SYNGR4: variants seen among roughly 807,000 people sequenced by gnomAD.
SYNGR4 encodes synaptogyrin 4.
Under a neutral mutation model 15.5 loss-of-function variants are expected in SYNGR4, and 15 were observed. The observed-to-expected ratio is 0.97, with a 90% CI of 0.65 to 1.49. The LOEUF (loss-of-function observed/expected upper bound fraction) is 1.49, where lower values mean the gene tolerates loss of function less well. Among genes scored for constraint, SYNGR4 ranks in the 40% most tolerant of loss-of-function variants. The pLI is 0.00. For synonymous variants in SYNGR4, 121 were observed against 127.4 expected (o/e 0.95, Z 0.34); for missense variants, 292 against 299.3 (o/e 0.98, Z 0.18).
Position 48,373,665 on chromosome 19 carries a change from T to C in SYNGR4, c.242T>C (p.Leu81Pro), listed in dbSNP as rs1970347841. 3 of 1,613,816 alleles carry C rather than the reference T, an allele frequency of 1.9e-6. No individual in the cohort carries two copies. The highest frequency in any genetic ancestry group is 2.5e-6 in the Non-Finnish European group (3 of 1,180,034). Residue 81 changes from leucine to proline, a missense_variant, in exon 3 of 5, where the codon CTG (leucine) becomes CCG (proline). By Grantham distance (98) the Leu-to-Pro change is moderately conservative. Transcript: ENST00000344846. ...GGCTTCCTGGCCTTCCTCAGCTGCC[T>C]GGCCTTCCTCGTCCTGGACACACAG... ...GAGFLAFLSC[L>P]AFLVLDTQET...
chr19:48,375,803 G>T, intron 4 of SYNGR4, 51 bp downstream of exon 4: 1 of 1,589,490 alleles, frequency 6.3e-7, no homozygotes, highest in South Asian at 1.1e-5. Flanking sequence ...CCCTCTGCAG[G>T]GTGGGGTTGA....
Position 48,373,675 on chromosome 19 carries a change from C to T in SYNGR4, c.252C>T (p.Leu84=), listed in dbSNP as rs150418476. 3.4e-5 allele frequency: 55 copies of T among 1,613,860 alleles called. No homozygotes were observed. The highest frequency in any genetic ancestry group is 4.5e-5 in the Non-Finnish European group (53 of 1,180,038). Residue 84 remains leucine, a synonymous_variant, in exon 3 of 5, where the codon CTC becomes CTT. Coordinates refer to ENST00000344846, the MANE Select transcript of SYNGR4 (RefSeq NM_012451.4). ...FLAFLSCLAF[L]VLDTQETRIA... ...CCTTCCTCAGCTGCCTGGCCTTCCT[C>T]GTCCTGGACACACAGGAGACCCGCA...
chr19:48,365,744 C>A lies in SYNGR4; in HGVS notation c.-99C>A. 7.6e-7 allele frequency: 1 copy of A among 1,320,908 alleles called. No homozygotes were observed. The highest frequency in any genetic ancestry group is 1.1e-6 in the Non-Finnish European group (1 of 931,588). 81.8% of individuals were successfully genotyped at this position (1,320,908 alleles called of 1,614,324 possible). ...TCTGTGTCATCCCACAGCAGCCAAG[C>A]CCAGGGCTGGCCTGAAGCCCCCGGA... On this transcript the variant is annotated 5_prime_UTR_variant, in exon 2 of 5. Coordinates refer to ENST00000344846, the MANE Select transcript of SYNGR4 (RefSeq NM_012451.4).
intron 2 of SYNGR4, among the ~76,000 whole-genome samples, chr19:48,366,719 T>A (rs981212374): frequency 3.9e-5 from 6 of 152,152 alleles, no homozygotes; most frequent in Admixed American, 1.3e-4. Flanking sequence ...GTAAATTTTT[T>A]AAATCTGGGA....
Position 48,365,934 on chromosome 19 carries a change from G to C in SYNGR4, c.92G>C (p.Gly31Ala), listed in dbSNP as rs1970212603. The C allele has an allele frequency of 1.9e-6, 3 of 1,613,236 alleles. No homozygotes were observed. Among genetic ancestry groups the C allele is most frequent in the South Asian group, 2.2e-5 (2 of 91,086 alleles). The change falls in exon 2 of 5, where the codon GGG becomes GCG. Residue 31 changes from glycine (G) to alanine (A), a missense_variant and splice_region_variant. Physicochemically the swap from Gly to Ala is moderately conservative, Grantham distance 60. Transcript: ENST00000344846. Reference protein sequence around the residue: ...RPKTITRVFEGVFSLIVFSSL... With the variant: ...RPKTITRVFEAVFSLIVFSSL... ...AAGACCATCACGCGGGTCTTCGAAGGGGTGAGGCCCTCCCATGGCCCGACT... is the reference window on the plus strand; with the variant it reads ...AAGACCATCACGCGGGTCTTCGAAGCGGTGAGGCCCTCCCATGGCCCGACT...
Position 48,364,536 on chromosome 19 carries a change from A to G in SYNGR4, c.-109A>G, listed in dbSNP as rs1269654493. The G allele has an allele frequency of 6.6e-6, 1 of 152,310 alleles. No individual in the cohort carries two copies. The highest frequency in any genetic ancestry group is 2.4e-5 in the African/African-American group (1 of 41,318). The allele number at this position is 152,310 out of a possible 1,614,324, so 9.4% of individuals were successfully genotyped here. A position where few individuals can be genotyped will look rare whatever the true frequency, so the allele number is the denominator to read the frequency against. ...TAAAGGGGAGACCGCGATTCTAAGA[A>G]GGTAGCCCAGTGCCGGGGCGTGGCC... On this transcript the variant is annotated splice_region_variant and 5_prime_UTR_variant, in exon 1 of 5. Coordinates refer to ENST00000344846, the MANE Select transcript of SYNGR4 (RefSeq NM_012451.4).
In SYNGR4 at chr19:48,376,375, A is replaced by G. The variant is rs547572084; in HGVS notation, c.*57A>G. Reference sequence around the variant, plus strand: ...CCTCCCTCCAGAAGGGTTTCTAAAAACAGCCCTCAGTCCTTCTCATGTCTG... The same window carrying G: ...CCTCCCTCCAGAAGGGTTTCTAAAAGCAGCCCTCAGTCCTTCTCATGTCTG... On this transcript the variant is annotated 3_prime_UTR_variant, in exon 5 of 5. Transcript: ENST00000344846. The G allele has an allele frequency of 6.4e-6, 10 of 1,573,234 alleles. No individual in the cohort carries two copies. The African/African-American group carries it at 1.2e-4, about 19-fold the overall frequency.
rs568078105 is a variant in SYNGR4, at chr19:48,371,500, A to G, written c.94-2017A>G. On this transcript the variant is annotated intron_variant, in intron 2 of 4. Transcript: ENST00000344846. ...CAAGGCGCGTGGTCCAGTGTGAGGA[A>G]GAAGAGCAAGAGGTCAAGGGCAGAC... Among the ~76,000 whole-genome samples, 4 of 152,200 alleles carry G rather than the reference A, an allele frequency of 2.6e-5. 1 individual carries two copies. Among genetic ancestry groups the G allele is most frequent in the Admixed American group, 6.5e-5 (1 of 15,300 alleles).
chr19:48,373,503 C>CTG lies in SYNGR4; in HGVS notation c.94-13_94-12dup. Reference sequence around the variant, plus strand: ...GAGAGACTGAGCTCTTCTCTGGCCCCTGGAAATCCACAGGTCTTCTCCCTG... The same window carrying CTG: ...GAGAGACTGAGCTCTTCTCTGGCCCCTGTGGAAATCCACAGGTCTTCTCCCTG... On this transcript the variant is annotated splice_polypyrimidine_tract_variant and intron_variant, in intron 2 of 4. Coordinates refer to ENST00000344846, the MANE Select transcript of SYNGR4 (RefSeq NM_012451.4). 6.2e-7 allele frequency: 1 copy of CTG among 1,610,716 alleles called. No homozygotes were observed. The highest frequency in any genetic ancestry group is 1.7e-5 in the Admixed American group (1 of 60,004).
chr19:48,369,149 C>A (rs138255441), intron 2 of SYNGR4, among the ~76,000 whole-genome samples: 2 of 152,110 alleles, frequency 1.3e-5, no homozygotes, highest in East Asian at 1.9e-4. Flanking sequence ...CTCCTTCCCC[C>A]CTGGCCTGGC....
intron 2 of SYNGR4, 156 bp from the exon 3 acceptor site, chr19:48,373,361 G>A: frequency 1.5e-6 from 1 of 679,580 alleles, no homozygotes; most frequent in Non-Finnish European, 2.6e-6. Context: ...ACGAGGGGCA[G>A]GAAGCTGAGG....
At chr19:48,366,310 A>C (rs1205049389) in intron 2 of SYNGR4, among the ~76,000 whole-genome samples, 1 of 151,618 alleles carries the variant, frequency 6.6e-6, no homozygotes. Flanking sequence ...GAATCACTCG[A>C]ACCCGGGTGG....
chr19:48,367,619 GC>G (rs1274236467), intron 2 of SYNGR4, among the ~76,000 whole-genome samples: 1 of 152,072 alleles, frequency 6.6e-6, no homozygotes, highest in Non-Finnish European at 1.5e-5. Context: ...AGGAACAGGG[GC>G]TGGGGCTTCT....
chr19:48,366,951 C>T (rs775479399), intron 2 of SYNGR4, among the ~76,000 whole-genome samples: 5 of 151,488 alleles, frequency 3.3e-5, no homozygotes, highest in African/African-American at 1.2e-4. Flanking sequence ...GTCAGGAGTT[C>T]GAGACCAGCC....
At chr19:48,366,695 C>T (rs550643558) in intron 2 of SYNGR4, among the ~76,000 whole-genome samples, 1 of 152,200 alleles carries the variant, frequency 6.6e-6, no homozygotes, top group Non-Finnish European at 1.5e-5. Context: ...TGTCAGCCAC[C>T]GCGCCCAGCC....
intron 1 of SYNGR4, among the ~76,000 whole-genome samples, chr19:48,365,224 C>G: frequency 6.9e-6 from 1 of 145,550 alleles, no homozygotes; most frequent in African/African-American, 2.7e-5. Context: ...CTATGCCCCC[C>G]TCTCCTGGGA....
intron 2 of SYNGR4, among the ~76,000 whole-genome samples, chr19:48,371,146 T>C (rs1970298514): frequency 6.6e-6 from 1 of 152,170 alleles, no homozygotes. Context: ...TGAGTTTCTC[T>C]CTTATCTCTG....
rs562529672 is a variant in SYNGR4 at position 48,373,713 on chromosome 19, G to A, written c.290G>A (p.Arg97His). The A allele has an allele frequency of 1.9e-5, 30 of 1,613,934 alleles. No homozygotes were observed. The highest frequency in any genetic ancestry group is 1.3e-4 in the Admixed American group (8 of 60,000). ...DTQETRIAGT[R>H]FKTAFQLLDF... ...CAGGAGACCCGCATTGCCGGCACCC[G>A]CTTCAAGACAGCCTTCCAGCTCCTG... is the stretch of plus-strand genomic sequence containing the variant. Residue 97 changes from arginine to histidine, a missense_variant, in exon 3 of 5, where the codon CGC becomes CAC. Physicochemically the swap from Arg to His is conservative, Grantham distance 29 (BLOSUM62 0). Coordinates refer to ENST00000344846, the MANE Select transcript of SYNGR4 (RefSeq NM_012451.4).
At chr19:48,369,593 T>A (rs1970274864) in intron 2 of SYNGR4, among the ~76,000 whole-genome samples, 1 of 152,118 alleles carries the variant, frequency 6.6e-6, no homozygotes, top group South Asian at 2.1e-4. Context: ...AAACTGAGGC[T>A]CCAAGAGATG....
Sources: allele counts gnomAD v4.1 joint callset (sites outside exome capture counted in the v4.1 genomes callset), GRCh38; gene constraint gnomAD v4.1.1; transcripts MANE v1.5; gene names NCBI Gene and HGNC (gene_info 2026-07-23, HGNC 2026-07-21).